The following SLC9A9 variants were observed in gnomAD, a reference collection of about 807,000 sequenced individuals.
SLC9A9 encodes sodium/hydrogen exchanger 9.
A neutral mutation model predicts 77.8 loss-of-function variants in SLC9A9; 62 were observed. The observed-to-expected ratio is 0.80, with a 90% CI of 0.65 to 0.98. SLC9A9 has a LOEUF of 0.98. Ranked by LOEUF, SLC9A9 falls within the 50% of genes least tolerant of loss-of-function variation. SLC9A9 has a pLI of 0.00. For synonymous variants in SLC9A9, 320 were observed against 283.5 expected (o/e 1.13, Z -1.29); for missense variants, 775 against 774.9 (o/e 1.00, Z 0.00).
chr3:143,631,106 AT>A lies in SLC9A9; in HGVS notation c.755+21148del, dbSNP rs138205979. Among the ~76,000 whole-genome samples the A allele has an allele frequency of 9.7e-3, 1,474 of 152,310 alleles. 10 individuals are homozygous for A. The highest frequency in any genetic ancestry group is 0.016 in the Non-Finnish European group (1,063 of 68,026). On this transcript the variant is annotated intron_variant, in intron 6 of 15. Transcript: ENST00000316549. ...AAAGCTACTAGAAATACTGGATTTT[AT>A]TGCTAAATAAATCAATACCCAATTA...
intron 4 of SLC9A9, among the ~76,000 whole-genome samples, chr3:143,751,147 G>A (rs2006702604): frequency 6.6e-6 from 1 of 152,160 alleles, no homozygotes; most frequent in Non-Finnish European, 1.5e-5. Context: ...GTTTGATATT[G>A]CAGGGCGAGT....
intron 12 of SLC9A9, among the ~76,000 whole-genome samples, chr3:143,419,466 A>G (rs1262593308): frequency 6.6e-6 from 1 of 152,162 alleles, no homozygotes; most frequent in African/African-American, 2.4e-5. Context: ...TTAAAATATT[A>G]ACTTCCTAGA....
At chr3:143,463,715 T>C (rs1050816033) in intron 12 of SLC9A9, among the ~76,000 whole-genome samples, 7 of 152,238 alleles carry the variant, frequency 4.6e-5, no homozygotes, top group African/African-American at 1.2e-4. Flanking sequence ...AAAGGTCTGA[T>C]TTATTTTCAA....
intron 12 of SLC9A9, among the ~76,000 whole-genome samples, chr3:143,459,552 T>G (rs1256119474): frequency 6.6e-6 from 1 of 152,158 alleles, no homozygotes; most frequent in Non-Finnish European, 1.5e-5. Flanking sequence ...CAGTGTCCAG[T>G]TGGGGAGCTG....
intron 14 of SLC9A9, among the ~76,000 whole-genome samples, chr3:143,316,460 AT>A (rs1310341214): frequency 6.6e-6 from 1 of 152,188 alleles, no homozygotes; most frequent in East Asian, 1.9e-4. Context: ...GATATTACAA[AT>A]TTGGTGGCAA....
At chr3:143,616,105 G>C (rs1441906902) in intron 6 of SLC9A9, among the ~76,000 whole-genome samples, 1 of 151,892 alleles carries the variant, frequency 6.6e-6, no homozygotes, top group African/African-American at 2.4e-5. Context: ...GGATGGTCTC[G>C]ACCTCCTGAC....
chr3:143,593,328 T>C (rs543079416), intron 6 of SLC9A9, among the ~76,000 whole-genome samples: 1 of 152,236 alleles, frequency 6.6e-6, no homozygotes. Flanking sequence ...AGGTTTTCTT[T>C]TGTATTACCA....
intron 11 of SLC9A9, among the ~76,000 whole-genome samples, chr3:143,479,174 T>C (rs2035531272): frequency 1.3e-5 from 2 of 152,242 alleles, no homozygotes; most frequent in Admixed American, 6.5e-5. Context: ...AATTTATATG[T>C]GTGAACTTGT....
At position 143,606,428 on chromosome 3, in the gene SLC9A9, CTCTCTCTCTA is replaced by C. The variant is rs1210380249; in HGVS notation, c.756-27715_756-27706del. 2.7e-3 allele frequency among the ~76,000 whole-genome samples: 188 copies of C among 69,876 alleles called. 1 individual carries two copies. The highest frequency in any genetic ancestry group is 0.011 in the South Asian group (22 of 2,002). The allele number at this position is 69,876 out of a possible 152,430, so 45.8% of individuals were successfully genotyped here. On this transcript the variant is annotated intron_variant, in intron 6 of 15. Transcript: ENST00000316549. ...TCTCTCTCTCTCTCTCTCTCTCTCT[CTCTCTCTCTA>C]TATATATATATATATATATATATGT...
At chr3:143,402,701 G>A (rs748515739) in intron 12 of SLC9A9, among the ~76,000 whole-genome samples, 15 of 149,788 alleles carry the variant, frequency 1.0e-4, no homozygotes, top group Non-Finnish European at 1.3e-4. Flanking sequence ...TTTGCATGGT[G>A]TATCTTTTCC....
At chr3:143,550,383 C>T (rs1000774142) in intron 9 of SLC9A9, among the ~76,000 whole-genome samples, 14 of 152,274 alleles carry the variant, frequency 9.2e-5, no homozygotes, top group Admixed American at 7.2e-4. Context: ...TTGCCTATGT[C>T]CACATTCTTT....
At chr3:143,652,525 C>T (rs2038814999) in intron 5 of SLC9A9, among the ~76,000 whole-genome samples, 165 bp from the exon 6 acceptor site, 2 of 152,088 alleles carry the variant, frequency 1.3e-5, no homozygotes, top group Admixed American at 1.3e-4. Context: ...GCTTAAGAGG[C>T]TTCTCTTGGC....
At chr3:143,496,671 C>G (rs2035839812) in intron 9 of SLC9A9, among the ~76,000 whole-genome samples, 1 of 152,186 alleles carries the variant, frequency 6.6e-6, no homozygotes, top group South Asian at 2.1e-4. Context: ...GAAACAAACA[C>G]TGTCACCAAA....
At chr3:143,828,240 T>C (rs868579748) in intron 2 of SLC9A9, among the ~76,000 whole-genome samples, 14 of 152,172 alleles carry the variant, frequency 9.2e-5, no homozygotes, top group African/African-American at 3.4e-4. Context: ...GACACTACAA[T>C]TCTACCAACT....
rs79395808 is a variant in SLC9A9, at chr3:143,583,809, C to T, written c.756-5086G>A. Among the ~76,000 whole-genome samples, 332 of 152,270 alleles carry T rather than the reference C, an allele frequency of 2.2e-3. 9 individuals are homozygous for T. The East Asian group carries it at 0.033, about 15-fold the overall frequency. ...AAAAGAAGCATTTCAAACAAATGTT[C>T]AATCAAAACTTCTATCCAAACAGAA... is the stretch of plus-strand genomic sequence containing the variant. On this transcript the variant is annotated intron_variant, in intron 6 of 15. Coordinates refer to ENST00000316549, the MANE Select transcript of SLC9A9 (RefSeq NM_173653.4).
chr3:143,552,973 C>T (rs757395645), intron 8 of SLC9A9, among the ~76,000 whole-genome samples: 65 of 152,260 alleles, frequency 4.3e-4, no homozygotes, highest in Non-Finnish European at 6.5e-4. Flanking sequence ...CCCCTGCCAA[C>T]GCTCCTACTT....
At chr3:143,726,995 A>C (rs2108806965) in intron 4 of SLC9A9, among the ~76,000 whole-genome samples, 1 of 150,524 alleles carries the variant, frequency 6.6e-6, no homozygotes, top group East Asian at 2.0e-4. Context: ...GTTGAACAGA[A>C]GAGATCCCCA....
chr3:143,374,707 T>C (rs1162042193), intron 13 of SLC9A9, among the ~76,000 whole-genome samples: 2 of 152,088 alleles, frequency 1.3e-5, no homozygotes, highest in Non-Finnish European at 2.9e-5. Flanking sequence ...GATACAGGCA[T>C]GCAATGTGAA....
At chr3:143,407,342 G>C (rs1444481387) in intron 12 of SLC9A9, among the ~76,000 whole-genome samples, 2 of 152,146 alleles carry the variant, frequency 1.3e-5, no homozygotes, top group East Asian at 3.9e-4. Context: ...TAGTCAAATT[G>C]AGTGGCAAAA....
Sources: allele counts gnomAD v4.1 joint callset (sites outside exome capture counted in the v4.1 genomes callset), GRCh38; gene constraint gnomAD v4.1.1; transcripts MANE v1.5; gene names NCBI Gene and HGNC (gene_info 2026-07-23, HGNC 2026-07-21).